CTNND2: variants seen among roughly 807,000 people sequenced by gnomAD.
CTNND2 encodes the protein catenin delta-2.
Under a neutral mutation model 144.4 loss-of-function variants are expected in CTNND2, and 22 were observed. The ratio of observed to expected loss-of-function variants is 0.15; its 90% CI spans 0.11 to 0.22. The LOEUF (loss-of-function observed/expected upper bound fraction) is 0.22. Ranked by LOEUF, CTNND2 falls within the 10% of genes least tolerant of loss-of-function variation. CTNND2 has a pLI of 1.00. For synonymous variants in CTNND2, 751 were observed against 695.6 expected, an observed-to-expected ratio of 1.08 and a Z score of -1.25; for missense variants, 1,353 against 1,618.8, an observed-to-expected ratio of 0.84 and a Z score of 2.82.
At chr5:11,517,320 C>T (rs984679294) in intron 3 of CTNND2, among the ~76,000 whole-genome samples, 43 of 152,298 alleles carry the variant, frequency 2.8e-4, no homozygotes, top group Non-Finnish European at 4.7e-4. Context: ...GCTTTAATAT[C>T]TGTCCCCAAC....
At chr5:11,392,468 T>C (rs1245501048) in intron 6 of CTNND2, among the ~76,000 whole-genome samples, 1 of 152,238 alleles carries the variant, frequency 6.6e-6, no homozygotes, top group East Asian at 1.9e-4. Flanking sequence ...TACACAGAAC[T>C]TTATTTCAGC....
At chr5:11,000,498 G>A (rs1409862044) in intron 18 of CTNND2, among the ~76,000 whole-genome samples, 3 of 152,200 alleles carry the variant, frequency 2.0e-5, no homozygotes, top group African/African-American at 4.8e-5. Flanking sequence ...TCCAGCCTGG[G>A]TGAAAGAATG....
intron 9 of CTNND2, among the ~76,000 whole-genome samples, chr5:11,276,661 T>C (rs1486686656): frequency 6.6e-6 from 1 of 152,198 alleles, no homozygotes; most frequent in Non-Finnish European, 1.5e-5. Flanking sequence ...TGACCTTATT[T>C]GAAAGCAGTG....
chr5:11,438,780 G>A (rs1049824791), intron 3 of CTNND2, among the ~76,000 whole-genome samples: 5 of 152,040 alleles, frequency 3.3e-5, no homozygotes, highest in South Asian at 2.1e-4. Context: ...AATCCCTTCC[G>A]AAAGACATGC....
At chr5:11,056,524 C>T (rs766691569) in intron 16 of CTNND2, among the ~76,000 whole-genome samples, 4 of 152,252 alleles carry the variant, frequency 2.6e-5, no homozygotes, top group Non-Finnish European at 4.4e-5. Context: ...CACTGTCTTT[C>T]CCAGGCTGGT....
At chr5:11,198,731 G>A (rs1037389990) in intron 11 of CTNND2, among the ~76,000 whole-genome samples, 1 of 152,204 alleles carries the variant, frequency 6.6e-6, no homozygotes, top group Non-Finnish European at 1.5e-5. Context: ...TATTTGAAAT[G>A]CTGTATTGAG....
At chr5:11,275,191 C>G (rs892667224) in intron 9 of CTNND2, among the ~76,000 whole-genome samples, 1 of 152,140 alleles carries the variant, frequency 6.6e-6, no homozygotes, top group Non-Finnish European at 1.5e-5. Context: ...TATGGGGTAG[C>G]GGCTACTAAT....
intron 9 of CTNND2, among the ~76,000 whole-genome samples, chr5:11,246,576 T>C (rs1439427549): frequency 6.6e-6 from 1 of 151,996 alleles, no homozygotes; most frequent in Non-Finnish European, 1.5e-5. Flanking sequence ...ACCATGATTT[T>C]GGTCTGGCAG....
chr5:11,108,555 T>TG (rs1163653743), intron 14 of CTNND2, among the ~76,000 whole-genome samples: 1 of 152,232 alleles, frequency 6.6e-6, no homozygotes, highest in Non-Finnish European at 1.5e-5. Flanking sequence ...ATAAAAATAG[T>TG]GGATCAGAAT....
intron 2 of CTNND2, among the ~76,000 whole-genome samples, chr5:11,656,820 C>A (rs968436727): frequency 6.6e-6 from 1 of 152,104 alleles, no homozygotes; most frequent in African/African-American, 2.4e-5. Flanking sequence ...TTTAATGGTT[C>A]TGAAATCAGT....
chr5:11,519,056 G>GA (rs5865954), intron 3 of CTNND2, among the ~76,000 whole-genome samples: 94,531 of 151,452 alleles, frequency 0.62, 30,341 homozygotes, highest in African/African-American at 0.76. Context: ...GGAAAAAATG[G>GA]AAAAAAATAG....
At chr5:11,543,602 G>T (rs1410065255) in intron 3 of CTNND2, among the ~76,000 whole-genome samples, 4 of 150,992 alleles carry the variant, frequency 2.6e-5, no homozygotes, top group African/African-American at 7.3e-5. Context: ...TGGGTGAATT[G>T]CATGGCATAT....
At chr5:11,225,706 C>T (rs1740260276) in intron 10 of CTNND2, among the ~76,000 whole-genome samples, 1 of 152,100 alleles carries the variant, frequency 6.6e-6, no homozygotes, top group South Asian at 2.1e-4. Flanking sequence ...ATCTCACCTC[C>T]TACCCCTCGC....
chr5:11,186,995 C>CTTAT (rs1339613040), intron 11 of CTNND2, among the ~76,000 whole-genome samples: 3 of 152,162 alleles, frequency 2.0e-5, no homozygotes, highest in Non-Finnish European at 4.4e-5. Flanking sequence ...TAAATGTATG[C>CTTAT]TTATCTCTTC....
intron 14 of CTNND2, among the ~76,000 whole-genome samples, chr5:11,110,439 A>C (rs1411589414): frequency 6.6e-6 from 1 of 152,198 alleles, no homozygotes; most frequent in Non-Finnish European, 1.5e-5. Context: ...GATTAAATAC[A>C]TGATGGATCT....
At chr5:11,150,748 T>G (rs780289505) in intron 12 of CTNND2, among the ~76,000 whole-genome samples, 2 of 148,188 alleles carry the variant, frequency 1.3e-5, no homozygotes, top group African/African-American at 2.5e-5. Flanking sequence ...TGCCTCAGAC[T>G]CCTGAGTAGC....
chr5:11,057,600 C>T (rs1004488598), intron 16 of CTNND2, among the ~76,000 whole-genome samples: 1 of 152,158 alleles, frequency 6.6e-6, no homozygotes, highest in African/African-American at 2.4e-5. Context: ...ATGTCTTTAT[C>T]AGCAGTGAGA....
At chr5:11,097,172 G>A (rs550479001) in intron 15 of CTNND2, among the ~76,000 whole-genome samples, 1 of 152,246 alleles carries the variant, frequency 6.6e-6, no homozygotes, top group East Asian at 1.9e-4. Context: ...GTGGAGCCTC[G>A]GTTTGAACTG....
intron 2 of CTNND2, among the ~76,000 whole-genome samples, chr5:11,657,809 C>T (rs573504238): frequency 2.0e-4 from 30 of 152,114 alleles, no homozygotes; most frequent in South Asian, 1.7e-3. Flanking sequence ...CAGTATCACA[C>T]AATATATGCA....
Sources: gnomAD v4.1 joint callset for allele counts (sites outside exome capture counted in the v4.1 genomes callset) on GRCh38, gnomAD v4.1.1 for gene constraint, MANE v1.5 for transcripts, NCBI Gene and HGNC (gene_info 2026-07-23, HGNC 2026-07-21) for gene names.